AKNA: variants seen among roughly 807,000 people sequenced by gnomAD.
AKNA encodes the protein AT-hook transcription factor, also known as microtubule organization protein AKNA.
Under a neutral mutation model 138.8 loss-of-function variants are expected in AKNA, and 67 were observed. The observed-to-expected ratio is 0.48, with a 90% CI of 0.40 to 0.59. The LOEUF (loss-of-function observed/expected upper bound fraction) is 0.59, where lower values mean the gene tolerates loss of function less well. Among genes scored for constraint, AKNA ranks in the 20% least tolerant of loss-of-function variants. The pLI is 0.00. For synonymous variants in AKNA, 737 were observed against 754.4 expected (o/e 0.98, Z 0.38); for missense variants, 1,813 against 1,880.4 (o/e 0.96, Z 0.66).
chr9:114,375,811 A>G (rs1168229572), intron 3 of AKNA, among the ~76,000 whole-genome samples: 1 of 152,088 alleles, frequency 6.6e-6, no homozygotes, highest in African/African-American at 2.4e-5. Flanking sequence ...GCAGAAGTTG[A>G]AAAGAAGCAA....
Position 114,361,837 on chromosome 9 carries a change from T to C in AKNA, c.1991A>G (p.Gln664Arg). The part of the protein sequence containing the change: ...ELKEHIDQTQ[Q>R]EPEPPGSDSA... ...GTCTGACCCGGGCGGCTCAGGCTCTTGCTGGGTCTGGTCTATGTGTTCCTT... is the reference window on the plus strand; with the variant it reads ...GTCTGACCCGGGCGGCTCAGGCTCTCGCTGGGTCTGGTCTATGTGTTCCTT... Residue 664 changes from glutamine to arginine, a missense_variant, in exon 9 of 22, where the codon CAA (glutamine) becomes CGA (arginine). Physicochemically the swap from Gln to Arg is conservative, Grantham distance 43 (BLOSUM62 1). Coordinates refer to ENST00000374088, the MANE Select transcript of AKNA (RefSeq NM_001317950.2). The C allele has an allele frequency of 6.2e-7, 1 of 1,612,612 alleles. No individual in the cohort carries two copies. The highest frequency in any genetic ancestry group is 1.1e-5 in the South Asian group (1 of 91,072).
chr9:114,351,980 G>T (rs142564175), intron 14 of AKNA, among the ~76,000 whole-genome samples: 2 of 152,254 alleles, frequency 1.3e-5, no homozygotes, highest in East Asian at 3.9e-4. Flanking sequence ...ATCCCAAAAG[G>T]TTACATAGTA....
At chr9:114,372,665 T>C (rs7032795) in intron 4 of AKNA, among the ~76,000 whole-genome samples, 60,684 of 151,982 alleles carry the variant, frequency 0.4, 13,928 homozygotes, top group South Asian at 0.56. Context: ...ATCTGCCAAA[T>C]GGGGAAGCCC....
chr9:114,367,610 G>A lies in AKNA; in HGVS notation c.1661C>T (p.Ser554Phe), dbSNP rs7025599. 2 of 1,610,148 alleles carry A rather than the reference G, an allele frequency of 1.2e-6. No homozygotes were observed. The highest frequency in any genetic ancestry group is 1.7e-6 in the Non-Finnish European group (2 of 1,176,824). The change falls in exon 6 of 22, where the codon TCT becomes TTT. Residue 554 changes from serine to phenylalanine, a missense_variant. Physicochemically the swap from Ser to Phe is radical, Grantham distance 155 (BLOSUM62 -2). Transcript: ENST00000374088. Reference protein sequence around the residue: ...LGWLPENRDISEDQSSAEQTQ... With the variant: ...LGWLPENRDIFEDQSSAEQTQ... ...CTGCTCTGCTGAGGACTGGTCCTCA[G>A]AGATGTCCCGGTTCTCCGGAAGCCA... is the stretch of plus-strand genomic sequence containing the variant.
In AKNA at chr9:114,381,105, G is replaced by A. The variant is rs756256773; in HGVS notation, c.229C>T (p.Pro77Ser). Residue 77 changes from proline (P) to serine (S), a missense_variant, in exon 2 of 22, where the codon CCC (proline) becomes TCC (serine). Coordinates refer to ENST00000374088, the MANE Select transcript of AKNA (RefSeq NM_001317950.2). The stretch of plus-strand genomic sequence containing the variant: ...GACTCGGAATCCTGATGCCCATCGG[G>A]CTGCGGGTGTGGGTCCCACTCCAGG... ...PPLEWDPHPQ[P>S]DGHQDSESGE... is the part of the protein sequence containing the mutation. 2 of 1,604,924 alleles carry A rather than the reference G, an allele frequency of 1.2e-6. No homozygotes were observed. Among genetic ancestry groups the A allele is most frequent in the Non-Finnish European group, 1.7e-6 (2 of 1,176,736 alleles).
chr9:114,356,800 T>G, intron 13 of AKNA, 63 bp downstream of exon 13: 1 of 1,407,972 alleles, frequency 7.1e-7, no homozygotes, highest in Non-Finnish European at 9.5e-7. Context: ...TCACAGGCAC[T>G]GTGATTCCCA....
chr9:114,381,060 C>CGTAGGGGGAGGGGTGTCAG lies in AKNA; in HGVS notation c.273_274insCTGACACCCCTCCCCCTAC (p.Glu92LeufsTer9). 6.4e-7 allele frequency: 1 copy of CGTAGGGGGAGGGGTGTCAG among 1,553,322 alleles called. No homozygotes were observed. The highest frequency in any genetic ancestry group is 1.4e-5 in the African/African-American group (1 of 72,958). ...GTAGGGGGAGGGGTGTCAGTCTCAC[C>CGTAGGGGGAGGGGTGTCAG]TTCTCCCGAAGTCTCTCCTGACTCG... On this transcript the variant is annotated frameshift_variant and splice_region_variant, in exon 2 of 22. Coordinates refer to ENST00000374088, the MANE Select transcript of AKNA (RefSeq NM_001317950.2). LOFTEE classifies it high-confidence loss of function.
intron 3 of AKNA, among the ~76,000 whole-genome samples, chr9:114,375,515 T>C (rs779050778): frequency 6.6e-6 from 1 of 152,170 alleles, no homozygotes; most frequent in Non-Finnish European, 1.5e-5. Context: ...GGTGTGATAT[T>C]TGTTCATATT....
Position 114,337,095 on chromosome 9 carries a change from G to A in AKNA, c.4279C>T (p.Leu1427=). 1 of 1,594,330 alleles carries A rather than the reference G, an allele frequency of 6.3e-7. No homozygotes were observed. Among genetic ancestry groups the A allele is most frequent in the South Asian group, 1.1e-5 (1 of 89,222 alleles). The part of the protein sequence containing the change: ...RQMRSSLSAD[L]RQAHSLRGSC... ...CCCCGCAGGCTGTGAGCCTGGCGCA[G>A]GTCGGCTGACAGCGAGCTTCTCATC... The change falls in exon 22 of 22, where the codon CTG becomes TTG. Residue 1427 remains leucine, a synonymous_variant. Transcript: ENST00000374088.
In AKNA at chr9:114,345,873, G is replaced by T. The variant is rs757239321; in HGVS notation, c.3651C>A (p.Gly1217=). 1 of 1,614,052 alleles carries T rather than the reference G, an allele frequency of 6.2e-7. No individual in the cohort carries two copies. The highest frequency in any genetic ancestry group is 1.7e-5 in the Admixed American group (1 of 60,002). ...TCCCTCCTGACCTACCTGTGTATTG[G>T]CCCCGGAAGGTGACCCTGTCTGGCC... ...AGWPDRVTFR[G]QYTGHEYHVL... Residue 1217 remains glycine (G), a synonymous_variant, in exon 18 of 22, where the codon GGC becomes GGA. Coordinates refer to ENST00000374088, the MANE Select transcript of AKNA (RefSeq NM_001317950.2).
At chr9:114,330,616 T>C (rs1276205614), downstream of AKNA, 1 of 1,608,278 alleles carries the variant, frequency 6.2e-7, no homozygotes. Context: ...TCTCAGCTTC[T>C]GGCCAGAAGA....
chr9:114,367,955 A>G (rs1230591721), intron 5 of AKNA, among the ~76,000 whole-genome samples: 1 of 152,234 alleles, frequency 6.6e-6, no homozygotes, highest in Admixed American at 6.5e-5. Flanking sequence ...TTCCCAGTCA[A>G]CAGCGTGGGC....
intron 15 of AKNA, among the ~76,000 whole-genome samples, chr9:114,349,395 A>G (rs554038148): frequency 6.6e-6 from 1 of 152,250 alleles, no homozygotes; most frequent in East Asian, 1.9e-4. Context: ...CCTTCCCTGA[A>G]CATCCCTGAA....
rs186745256 is a variant in AKNA, at chr9:114,381,782, T to A, written c.-113-336A>T. Among the ~76,000 whole-genome samples, 106 of 147,320 alleles carry A rather than the reference T, an allele frequency of 7.2e-4. No homozygotes were observed. The Middle Eastern group carries it at 0.01, about 14-fold the overall frequency. On this transcript the variant is annotated intron_variant, in intron 1 of 21. Transcript: ENST00000374088. Reference sequence around the variant, plus strand: ...TTCAAGCAATTCTCCTGCCTCAGCCTCCTGAGTAGCTGGGACTACAGGTGC... The same window carrying A: ...TTCAAGCAATTCTCCTGCCTCAGCCACCTGAGTAGCTGGGACTACAGGTGC...
chr9:114,337,684 G>T (rs1830087712), intron 21 of AKNA, among the ~76,000 whole-genome samples: 2 of 152,066 alleles, frequency 1.3e-5, no homozygotes, highest in South Asian at 4.1e-4. Context: ...GGGAGGCCAG[G>T]ATCACCCTAG....
At chr9:114,346,613 G>T in intron 17 of AKNA, 56 bp downstream of exon 17, 2 of 1,410,412 alleles carry the variant, frequency 1.4e-6, no homozygotes, top group Non-Finnish European at 2.0e-6. Flanking sequence ...TGACCACTGA[G>T]CCAACATGCT....
chr9:114,369,588 T>C (rs1832614198), intron 4 of AKNA, among the ~76,000 whole-genome samples: 1 of 152,098 alleles, frequency 6.6e-6, no homozygotes, highest in African/African-American at 2.4e-5. Flanking sequence ...ACAAAATAAG[T>C]GCTCAATAAA....
intron 14 of AKNA, among the ~76,000 whole-genome samples, chr9:114,355,446 G>A (rs2131878938): frequency 6.6e-6 from 1 of 152,248 alleles, no homozygotes; most frequent in African/African-American, 2.4e-5. Flanking sequence ...CAAAGTGCTG[G>A]GATTACAGGC....
At chr9:114,350,476 C>CA (rs1262938902) in intron 15 of AKNA, among the ~76,000 whole-genome samples, 3 of 151,810 alleles carry the variant, frequency 2.0e-5, no homozygotes, top group Non-Finnish European at 4.4e-5. Context: ...GCACACGAAC[C>CA]AAAAAAAGAA....
Sources: gnomAD v4.1 joint callset for allele counts (sites outside exome capture counted in the v4.1 genomes callset) on GRCh38, gnomAD v4.1.1 for gene constraint, MANE v1.5 for transcripts, NCBI Gene and HGNC (gene_info 2026-07-23, HGNC 2026-07-21) for gene names.